MYO18B: variants seen among roughly 807,000 people sequenced by gnomAD.
MYO18B encodes unconventional myosin-XVIIIb.
In MYO18B, 204 loss-of-function variants were observed where a neutral mutation model predicts 273.0. The ratio of observed to expected loss-of-function variants is 0.75; its 90% confidence interval spans 0.67 to 0.84. The LOEUF (loss-of-function observed/expected upper bound fraction) is 0.84, where lower values mean the gene tolerates loss of function less well. Among genes scored for constraint, MYO18B ranks in the 40% least tolerant of loss-of-function variants. The pLI, the probability that MYO18B is intolerant of heterozygous loss-of-function variation, is 0.00. For synonymous variants in MYO18B, 1,330 were observed against 1,305.7 expected, an observed-to-expected ratio of 1.02 and a Z score of -0.40; for missense variants, 3,212 against 3,287.6, an observed-to-expected ratio of 0.98 and a Z score of 0.56.
chr22:25,946,337 T>A, intron 35 of MYO18B, 87 bp downstream of exon 35: 1 of 866,476 alleles, frequency 1.2e-6, no homozygotes, highest in Non-Finnish European at 1.8e-6. Flanking sequence ...CTCAGCACTA[T>A]AGGAAGTATG....
intron 34 of MYO18B, among the ~76,000 whole-genome samples, chr22:25,927,566 C>CGGTCCTGT (rs1293511581): frequency 4.6e-5 from 7 of 151,882 alleles, no homozygotes; most frequent in East Asian, 1.9e-4. Context: ...AATTTCGCCT[C>CGGTCCTGT]GGTCCTGTGG....
chr22:25,981,857 A>G (rs1287721787), intron 39 of MYO18B, among the ~76,000 whole-genome samples: 2 of 152,238 alleles, frequency 1.3e-5, no homozygotes, highest in African/African-American at 4.8e-5. Context: ...ACACTGAAGC[A>G]GCTCAGCGGG....
chr22:25,773,820 A>G lies in MYO18B; in HGVS notation c.1869+1310A>G, dbSNP rs2086816079. On this transcript the variant is annotated intron_variant, in intron 7 of 43. Coordinates refer to ENST00000335473, the MANE Select transcript of MYO18B (RefSeq NM_032608.7). ...CTCCTGAGCCAGAGTAGGCTTAGAG[A>G]GAGTCCCTACTGGGGTTTTTAGCAG... Among the ~76,000 whole-genome samples, 9 of 152,292 alleles carry G rather than the reference A, an allele frequency of 5.9e-5. No homozygotes were observed. The South Asian group carries it at 1.5e-3, about 25-fold the overall frequency.
intron 12 of MYO18B, 122 bp from the exon 13 acceptor site, chr22:25,823,383 C>T (rs925871711): frequency 5.4e-6 from 6 of 1,119,396 alleles, no homozygotes; most frequent in African/African-American, 4.7e-5. Flanking sequence ...GTCCAAGCTC[C>T]CGGCTGAGGA....
the MYO18B span, among the ~76,000 whole-genome samples, chr22:26,040,036 G>A: frequency 5.3e-5 from 8 of 152,134 alleles, no homozygotes; most frequent in East Asian, 1.2e-3. Context: ...CCACGTTGCC[G>A]AGACTGGCAT....
At chr22:25,859,861 T>C (rs1436121486) in intron 21 of MYO18B, among the ~76,000 whole-genome samples, 1 of 152,224 alleles carries the variant, frequency 6.6e-6, no homozygotes, top group Non-Finnish European at 1.5e-5. Flanking sequence ...TTCAGTTTAC[T>C]AATTTTTTAA....
chr22:26,029,324 C>A (rs574371178), intron 43 of MYO18B, among the ~76,000 whole-genome samples: 2 of 152,320 alleles, frequency 1.3e-5, no homozygotes, highest in Non-Finnish European at 2.9e-5. Context: ...CACACGTCCT[C>A]TATTTCTTTG....
At chr22:25,844,812 C>T (rs1190036306) in intron 18 of MYO18B, among the ~76,000 whole-genome samples, 1 of 152,184 alleles carries the variant, frequency 6.6e-6, no homozygotes, top group African/African-American at 2.4e-5. Flanking sequence ...GCTGGGGCAA[C>T]AGGAGTTGCG....
intron 12 of MYO18B, among the ~76,000 whole-genome samples, chr22:25,815,249 G>C (rs1326662309): frequency 6.6e-6 from 1 of 152,170 alleles, no homozygotes; most frequent in African/African-American, 2.4e-5. Context: ...GCATTAGAGG[G>C]GACCATCTAG....
intron 3 of MYO18B, 120 bp from the exon 4 acceptor site, chr22:25,767,995 G>T: frequency 1.0e-6 from 1 of 982,348 alleles, no homozygotes; most frequent in South Asian, 1.6e-5. Context: ...AGGTGCTCGA[G>T]CATCTGTGGA....
At chr22:26,060,904 CACAA>C in the MYO18B span, among the ~76,000 whole-genome samples, 9 of 152,092 alleles carry the variant, frequency 5.9e-5, no homozygotes, top group Admixed American at 1.3e-4. Context: ...CACACATATA[CACAA>C]ACATACATAT....
intron 3 of MYO18B, 41 bp downstream of exon 3, chr22:25,763,430 A>T: frequency 6.3e-7 from 1 of 1,582,606 alleles, no homozygotes; most frequent in Non-Finnish European, 8.5e-7. Flanking sequence ...GCGTTTCCAT[A>T]CCCATCATTC....
At chr22:25,831,835 C>T (rs1016476767) in intron 15 of MYO18B, among the ~76,000 whole-genome samples, 2 of 152,146 alleles carry the variant, frequency 1.3e-5, no homozygotes, top group East Asian at 1.9e-4. Flanking sequence ...CTCAGCATGA[C>T]GGCTGACACG....
intron 12 of MYO18B, among the ~76,000 whole-genome samples, chr22:25,804,369 C>G (rs1285588710): frequency 6.6e-6 from 1 of 152,198 alleles, no homozygotes; most frequent in African/African-American, 2.4e-5. Context: ...CAAGCAGTCT[C>G]TGTGCTGAGT....
At chr22:25,785,633 T>A in intron 11 of MYO18B, 142 bp downstream of exon 11, 1 of 784,284 alleles carries the variant, frequency 1.3e-6, no homozygotes, top group Non-Finnish European at 2.1e-6. Context: ...GAGTTGGCAC[T>A]GCCTTTGTAG....
At chr22:26,055,251 C>T in the MYO18B span, among the ~76,000 whole-genome samples, 10 of 152,282 alleles carry the variant, frequency 6.6e-5, no homozygotes, top group South Asian at 2.1e-4. Context: ...TAAAGAGGAC[C>T]ACTCTGTAGC....
intron 34 of MYO18B, among the ~76,000 whole-genome samples, chr22:25,936,118 G>A (rs938864648): frequency 4.6e-5 from 7 of 152,342 alleles, no homozygotes; most frequent in African/African-American, 1.7e-4. Context: ...GTGCTGTTTA[G>A]GGGAGCAAAG....
At chr22:25,780,568 C>T (rs10427982) in intron 9 of MYO18B, among the ~76,000 whole-genome samples, 50,418 of 128,864 alleles carry the variant, frequency 0.39, 9,551 homozygotes, top group African/African-American at 0.44. Flanking sequence ...CCAGCCTGGG[C>T]AGCAAGAGCG....
Position 25,878,031 on chromosome 22 carries a change from G to A in MYO18B, c.4297G>A (p.Asp1433Asn), listed in dbSNP as rs781490943. The change falls in exon 25 of 44, where the codon GAT (aspartate) becomes AAT (asparagine). Residue 1433 changes from aspartate (D) to asparagine (N), a missense_variant. Transcript: ENST00000335473. ...GCGGAATGAACTCCGGCAGAACACA[G>A]ATCTGCTAGAAAGCAAGGTATCCCC... The part of the protein sequence containing the change: ...KLRNELRQNT[D>N]LLESKIADLT... The A allele has an allele frequency of 1.3e-6, 2 of 1,581,462 alleles. No individual in the cohort carries two copies. Among genetic ancestry groups the A allele is most frequent in the Admixed American group, 3.6e-5 (2 of 55,406 alleles).
Sources: allele counts gnomAD v4.1 joint callset (sites outside exome capture counted in the v4.1 genomes callset), GRCh38; gene constraint gnomAD v4.1.1; transcripts MANE v1.5; gene names NCBI Gene and HGNC (gene_info 2026-07-23, HGNC 2026-07-21).